Variants in KCNB2 observed in about 807,000 individuals in gnomAD.
KCNB2 encodes the protein delayed rectifier potassium channel protein.
In KCNB2, 15 loss-of-function variants were observed where a neutral mutation model predicts 61.5. That is an observed-to-expected ratio of 0.24 (90% confidence interval 0.16 to 0.38). KCNB2 has a LOEUF of 0.38. Ranked by LOEUF, KCNB2 falls within the 10% of genes least tolerant of loss-of-function variation. The pLI is 1.00. For synonymous variants in KCNB2, 457 were observed against 446.0 expected, an observed-to-expected ratio of 1.02 and a Z score of -0.31; for missense variants, 828 against 1,125.2, an observed-to-expected ratio of 0.74 and a Z score of 3.78.
At chr8:72,798,387 C>T (rs1809066933) in intron 2 of KCNB2, among the ~76,000 whole-genome samples, 2 of 152,170 alleles carry the variant, frequency 1.3e-5, no homozygotes, top group South Asian at 4.1e-4. Context: ...TTTCTGAAGG[C>T]AGGCTCTGTG....
intron 2 of KCNB2, among the ~76,000 whole-genome samples, chr8:72,628,588 T>C (rs901800907): frequency 2.0e-5 from 3 of 152,144 alleles, no homozygotes; most frequent in African/African-American, 7.2e-5. Context: ...AGAGGATAGC[T>C]CCAAGGAATG....
At chr8:72,654,902 A>G (rs996189858) in intron 2 of KCNB2, among the ~76,000 whole-genome samples, 1 of 152,132 alleles carries the variant, frequency 6.6e-6, no homozygotes. Context: ...GCGATTTCTC[A>G]AAGAACTTAG....
chr8:72,825,856 A>G (rs777511673), intron 2 of KCNB2, among the ~76,000 whole-genome samples: 31 of 149,218 alleles, frequency 2.1e-4, no homozygotes, highest in Admixed American at 8.0e-4. Context: ...TTCTCTTTTC[A>G]CTCTTTTGAT....
intron 2 of KCNB2, among the ~76,000 whole-genome samples, chr8:72,678,290 G>A (rs562614073): frequency 6.6e-6 from 1 of 152,106 alleles, no homozygotes. Context: ...TTACATAGCT[G>A]CCTGGGAGAT....
chr8:72,539,717 A>C (rs553373186), intron 1 of KCNB2, among the ~76,000 whole-genome samples: 2 of 152,276 alleles, frequency 1.3e-5, no homozygotes, highest in South Asian at 2.1e-4. Flanking sequence ...GTTTTTCCAA[A>C]TAGAATCAAT....
intron 2 of KCNB2, among the ~76,000 whole-genome samples, chr8:72,769,372 G>A (rs1304228250): frequency 3.3e-5 from 5 of 152,016 alleles, no homozygotes; most frequent in Non-Finnish European, 5.9e-5. Context: ...CTAGAAAGGT[G>A]AATTAACCAT....
At chr8:72,886,927 A>AT (rs1805816397) in intron 2 of KCNB2, among the ~76,000 whole-genome samples, 1 of 152,222 alleles carries the variant, frequency 6.6e-6, no homozygotes, top group Non-Finnish European at 1.5e-5. Flanking sequence ...TTTTCAAGGG[A>AT]TGGCACATGT....
At chr8:72,829,983 CAAA>C (rs11351226) in intron 2 of KCNB2, among the ~76,000 whole-genome samples, 20 of 120,250 alleles carry the variant, frequency 1.7e-4, no homozygotes, top group Non-Finnish European at 1.5e-4. Flanking sequence ...GCTGCTGCTT[CAAA>C]AAAAAAAAAA....
At chr8:72,685,146 A>G (rs1181007739) in intron 2 of KCNB2, among the ~76,000 whole-genome samples, 2 of 152,336 alleles carry the variant, frequency 1.3e-5, no homozygotes, top group Non-Finnish European at 2.9e-5. Flanking sequence ...AAAACTTCTG[A>G]CATAAAGCCA....
intron 1 of KCNB2, 25 bp downstream of exon 1, chr8:72,537,910 C>G (rs1489819532): frequency 6.6e-6 from 1 of 152,370 alleles, no homozygotes. Context: ...CATTGCTGCT[C>G]CCCGAAGGGG....
chr8:72,771,914 A>G (rs938500394), intron 2 of KCNB2, among the ~76,000 whole-genome samples: 4 of 152,202 alleles, frequency 2.6e-5, no homozygotes, highest in Non-Finnish European at 5.9e-5. Flanking sequence ...TCCTCAGCAC[A>G]GATTAGTTAG....
At chr8:72,702,929 G>A (rs758220249) in intron 2 of KCNB2, among the ~76,000 whole-genome samples, 3 of 152,138 alleles carry the variant, frequency 2.0e-5, no homozygotes, top group East Asian at 1.9e-4. Context: ...TGTGCACTGC[G>A]TCTGCACTAC....
chr8:72,746,405 A>G (rs1225915113), intron 2 of KCNB2, among the ~76,000 whole-genome samples: 1 of 152,178 alleles, frequency 6.6e-6, no homozygotes, highest in African/African-American at 2.4e-5. Context: ...CAATGTCCTT[A>G]ACATTTAGAA....
chr8:72,865,600 C>T (rs1805504832), intron 2 of KCNB2, among the ~76,000 whole-genome samples: 1 of 152,162 alleles, frequency 6.6e-6, no homozygotes, highest in African/African-American at 2.4e-5. Flanking sequence ...GTCTTCACCC[C>T]TCCTTCGTTG....
At chr8:72,722,276 T>G (rs551781771) in intron 2 of KCNB2, among the ~76,000 whole-genome samples, 1 of 152,308 alleles carries the variant, frequency 6.6e-6, no homozygotes, top group South Asian at 2.1e-4. Context: ...GGCAGAATGA[T>G]CTTCCAAACT....
intron 2 of KCNB2, among the ~76,000 whole-genome samples, chr8:72,821,069 T>A (rs1809489949): frequency 6.6e-6 from 1 of 152,186 alleles, no homozygotes; most frequent in Non-Finnish European, 1.5e-5. Context: ...GAATTAAGAT[T>A]ATATTTTCTT....
intron 1 of KCNB2, among the ~76,000 whole-genome samples, chr8:72,543,936 G>T (rs1461899976): frequency 4.6e-5 from 7 of 152,150 alleles, no homozygotes; most frequent in Admixed American, 4.6e-4. Context: ...TAGTATGAAG[G>T]TAAGTTTAGC....
intron 2 of KCNB2, among the ~76,000 whole-genome samples, chr8:72,768,646 T>C (rs1468558945): frequency 6.6e-6 from 1 of 152,152 alleles, no homozygotes; most frequent in Non-Finnish European, 1.5e-5. Context: ...TAATCCAAGA[T>C]CATGAAGCTT....
intron 1 of KCNB2, among the ~76,000 whole-genome samples, chr8:72,556,151 T>C (rs1806422750): frequency 1.3e-5 from 2 of 152,158 alleles, no homozygotes; most frequent in African/African-American, 4.8e-5. Context: ...TACATTTTTA[T>C]TTTAGAAAAT....
Sources: gnomAD v4.1 joint callset for allele counts (sites outside exome capture counted in the v4.1 genomes callset) on GRCh38, gnomAD v4.1.1 for gene constraint, MANE v1.5 for transcripts, NCBI Gene and HGNC (gene_info 2026-07-23, HGNC 2026-07-21) for gene names.